Variants in VWA3B observed in about 807,000 individuals in gnomAD.
VWA3B encodes von Willebrand factor A domain-containing protein 3B.
A neutral mutation model predicts 158.3 loss-of-function variants in VWA3B; 138 were observed. The ratio of observed to expected loss-of-function variants is 0.87; its 90% CI spans 0.76 to 1.00. The LOEUF is 1.00. VWA3B is among the 50% of genes least tolerant of loss of function. The pLI is 0.00. For missense variants in VWA3B, 1,555 were observed against 1,565.1 expected, an observed-to-expected ratio of 0.99 and a Z score of 0.11; for synonymous variants, 596 against 587.3, an observed-to-expected ratio of 1.01 and a Z score of -0.21.
chr2:98,190,640 G>T (rs1431002604), intron 10 of VWA3B, among the ~76,000 whole-genome samples: 1 of 152,024 alleles, frequency 6.6e-6, no homozygotes, highest in Non-Finnish European at 1.5e-5. Flanking sequence ...ATAGAATTCT[G>T]GTTTTACAGT....
chr2:98,286,116 A>T (rs895907075), intron 22 of VWA3B, among the ~76,000 whole-genome samples: 9 of 152,022 alleles, frequency 5.9e-5, no homozygotes, highest in Admixed American at 2.0e-4. Context: ...TTTTCAGTAC[A>T]CTTATCTTGT....
At chr2:98,238,429 T>C (rs1268885179) in intron 19 of VWA3B, among the ~76,000 whole-genome samples, 1 of 152,206 alleles carries the variant, frequency 6.6e-6, no homozygotes, top group Non-Finnish European at 1.5e-5. Flanking sequence ...AGCTCCTTCA[T>C]ATTCTCTGCA....
intron 22 of VWA3B, among the ~76,000 whole-genome samples, chr2:98,280,350 AAGAG>A (rs139325892): frequency 1.3e-5 from 2 of 152,100 alleles, no homozygotes; most frequent in Non-Finnish European, 1.5e-5. Flanking sequence ...AAAGAAAAGA[AAGAG>A]AGAGAGAGAA....
intron 22 of VWA3B, among the ~76,000 whole-genome samples, chr2:98,284,505 A>G (rs753988497): frequency 6.6e-6 from 1 of 152,224 alleles, no homozygotes; most frequent in Non-Finnish European, 1.5e-5. Context: ...TTTATAGCCA[A>G]CTGCCTCATA....
intron 12 of VWA3B, among the ~76,000 whole-genome samples, chr2:98,209,432 C>G (rs1217934195): frequency 6.6e-6 from 1 of 152,086 alleles, no homozygotes; most frequent in Non-Finnish European, 1.5e-5. Flanking sequence ...AGGCACCCAC[C>G]ACCACGCCAG....
At chr2:98,210,773 C>G (rs186479609) in intron 12 of VWA3B, among the ~76,000 whole-genome samples, 29 of 152,246 alleles carry the variant, frequency 1.9e-4, no homozygotes, top group African/African-American at 6.3e-4. Flanking sequence ...AGAGTCTGTT[C>G]ACCTGTGGAA....
intron 9 of VWA3B, among the ~76,000 whole-genome samples, chr2:98,181,540 G>A (rs535754450): frequency 2.5e-4 from 38 of 152,228 alleles, no homozygotes; most frequent in Non-Finnish European, 5.0e-4. Flanking sequence ...CATATTGAAT[G>A]GAAAAGAGAA....
At chr2:98,180,645 G>A (rs1680494312) in intron 8 of VWA3B, among the ~76,000 whole-genome samples, 1 of 152,244 alleles carries the variant, frequency 6.6e-6, no homozygotes, top group Non-Finnish European at 1.5e-5. Context: ...AGGTGATGGA[G>A]CCAGGCCTTG....
rs1407744562 is a variant in VWA3B at position 98,312,671 on chromosome 2, T to A, written c.*322T>A. ...GATGACTGTCACAGGACTTTCAAATTGTTTAGCAGTCAGCATAGTCAGGAT... is the reference window on the plus strand; with the variant it reads ...GATGACTGTCACAGGACTTTCAAATAGTTTAGCAGTCAGCATAGTCAGGAT... On this transcript the variant is annotated 3_prime_UTR_variant, in exon 28 of 28. Coordinates refer to ENST00000477737, the MANE Select transcript of VWA3B (RefSeq NM_144992.5). The A allele has an allele frequency of 3.7e-6, 1 of 270,116 alleles. No individual in the cohort carries two copies. Among genetic ancestry groups the A allele is most frequent in the Non-Finnish European group, 7.0e-6 (1 of 143,000 alleles). 16.7% of individuals were successfully genotyped at this position (270,116 alleles called of 1,614,324 possible). A position where few individuals can be genotyped will look rare whatever the true frequency, so the allele number is the denominator to read the frequency against.
At chr2:98,301,788 A>C (rs1381182161) in intron 25 of VWA3B, among the ~76,000 whole-genome samples, 1 of 152,170 alleles carries the variant, frequency 6.6e-6, no homozygotes, top group Non-Finnish European at 1.5e-5. Flanking sequence ...TATGCAGCCA[A>C]TAGTTTTCCC....
At chr2:98,275,318 C>T (rs1574256998) in intron 22 of VWA3B, among the ~76,000 whole-genome samples, 1 of 152,296 alleles carries the variant, frequency 6.6e-6, no homozygotes, top group Admixed American at 6.5e-5. Context: ...ACCCGTGGGG[C>T]ACACAGGTGA....
At chr2:98,257,263 G>C (rs1558734486) in intron 21 of VWA3B, among the ~76,000 whole-genome samples, 1 of 152,044 alleles carries the variant, frequency 6.6e-6, no homozygotes, top group Non-Finnish European at 1.5e-5. Flanking sequence ...ATGATATTAA[G>C]TGCTGCAAAT....
chr2:98,234,799 G>C (rs1415481202), intron 17 of VWA3B, 32 bp downstream of exon 17: 1 of 1,613,698 alleles, frequency 6.2e-7, no homozygotes, highest in Non-Finnish European at 8.5e-7. Flanking sequence ...TGGCCAACCA[G>C]CCTCCCTTTC....
intron 7 of VWA3B, among the ~76,000 whole-genome samples, chr2:98,157,740 G>A (rs749691149): frequency 7.2e-5 from 11 of 152,198 alleles, no homozygotes; most frequent in South Asian, 4.1e-4. Context: ...GCCACCTGGC[G>A]GGACCAGTTC....
intron 19 of VWA3B, among the ~76,000 whole-genome samples, chr2:98,249,717 A>G (rs1301474730): frequency 6.6e-6 from 1 of 152,148 alleles, no homozygotes; most frequent in East Asian, 1.9e-4. Flanking sequence ...TTTATTGATC[A>G]CTAAGCATTC....
At chr2:98,143,852 G>T (rs180946455) in intron 7 of VWA3B, among the ~76,000 whole-genome samples, 2 of 150,290 alleles carry the variant, frequency 1.3e-5, no homozygotes, top group Admixed American at 6.7e-5. Flanking sequence ...CTTTGCTCAA[G>T]CAATCCTCCC....
chr2:98,256,075 GA>G (rs1558733044), intron 20 of VWA3B, 48 bp from the exon 21 acceptor site: 1 of 1,607,308 alleles, frequency 6.2e-7, no homozygotes, highest in Admixed American at 1.7e-5. Context: ...CTTTTGCCAT[GA>G]AATGAAGTAC....
intron 21 of VWA3B, among the ~76,000 whole-genome samples, chr2:98,259,924 T>C (rs1371681717): frequency 6.6e-6 from 1 of 151,780 alleles, no homozygotes; most frequent in Non-Finnish European, 1.5e-5. Flanking sequence ...TTGGGTGTGT[T>C]GTGTTTTCAT....
At chr2:98,304,974 A>G (rs1383244681) in intron 26 of VWA3B, among the ~76,000 whole-genome samples, 2 of 152,128 alleles carry the variant, frequency 1.3e-5, no homozygotes, top group Non-Finnish European at 2.9e-5. Context: ...AGCCTTGGAT[A>G]TAGGCATCCA....
Sources: allele counts gnomAD v4.1 joint callset (sites outside exome capture counted in the v4.1 genomes callset), GRCh38; gene constraint gnomAD v4.1.1; transcripts MANE v1.5; gene names NCBI Gene and HGNC (gene_info 2026-07-23, HGNC 2026-07-21).